The following SLC4A4 variants were observed in gnomAD, a reference collection of about 807,000 sequenced individuals.
SLC4A4 encodes the protein solute carrier family 4 member 4.
A neutral mutation model predicts 111.5 loss-of-function variants in SLC4A4; 27 were observed. The observed-to-expected ratio is 0.24, with a 90% CI of 0.18 to 0.33. SLC4A4 has a LOEUF of 0.33. Among genes scored for constraint, SLC4A4 ranks in the 10% least tolerant of loss-of-function variants. The pLI is 1.00. For missense variants in SLC4A4, 909 were observed against 1,315.5 expected, an observed-to-expected ratio of 0.69 and a Z score of 4.78; for synonymous variants, 443 against 463.4, an observed-to-expected ratio of 0.96 and a Z score of 0.57.
intron 3 of SLC4A4, among the ~76,000 whole-genome samples, chr4:71,333,960 G>A (rs373536706): frequency 1.3e-5 from 2 of 151,902 alleles, no homozygotes; most frequent in African/African-American, 4.8e-5. Flanking sequence ...GTCTAAGAGC[G>A]AAGGCCTGGA....
chr4:71,266,452 T>A (rs988623979), intron 3 of SLC4A4, among the ~76,000 whole-genome samples: 2 of 152,192 alleles, frequency 1.3e-5, no homozygotes, highest in African/African-American at 4.8e-5. Context: ...TTGTGCAGCT[T>A]TTTGAGTATG....
At chr4:71,509,290 A>G (rs1027371749) in intron 16 of SLC4A4, among the ~76,000 whole-genome samples, 1 of 152,222 alleles carries the variant, frequency 6.6e-6, no homozygotes, top group Admixed American at 6.5e-5. Flanking sequence ...GGCTATTCAA[A>G]TTGGAAGAGA....
intron 16 of SLC4A4, among the ~76,000 whole-genome samples, chr4:71,513,505 A>G (rs949838669): frequency 3.3e-5 from 5 of 152,108 alleles, no homozygotes; most frequent in African/African-American, 1.2e-4. Flanking sequence ...TAATTTTTTT[A>G]ATCAAATCTA....
At chr4:71,208,018 A>G (rs1021870169) in intron 1 of SLC4A4, among the ~76,000 whole-genome samples, 3 of 152,192 alleles carry the variant, frequency 2.0e-5, no homozygotes, top group Admixed American at 2.0e-4. Flanking sequence ...CTTGTTGCCC[A>G]GGCTGGTCTC....
intron 2 of SLC4A4, among the ~76,000 whole-genome samples, chr4:71,115,732 G>A (rs1743226610): frequency 6.6e-6 from 1 of 152,126 alleles, no homozygotes; most frequent in Non-Finnish European, 1.5e-5. Flanking sequence ...AGAATAGAGT[G>A]CTGTCATGTA....
intron 6 of SLC4A4, among the ~76,000 whole-genome samples, chr4:71,361,765 T>A (rs937270956): frequency 6.6e-5 from 10 of 152,222 alleles, no homozygotes; most frequent in Non-Finnish European, 1.2e-4. Context: ...TATGAAAAAG[T>A]AATGTTTAAG....
At chr4:71,497,473 G>A in intron 15 of SLC4A4, 28 bp from the exon 16 acceptor site, 1 of 1,594,092 alleles carries the variant, frequency 6.3e-7, no homozygotes, top group South Asian at 1.1e-5. Flanking sequence ...ATGTTCTCTA[G>A]AAAAATTTTA....
intron 2 of SLC4A4, among the ~76,000 whole-genome samples, chr4:71,109,473 G>A (rs1012749740): frequency 1.3e-5 from 2 of 152,126 alleles, no homozygotes; most frequent in Non-Finnish European, 2.9e-5. Context: ...GTGATCAGAG[G>A]CAGCAATCAA....
chr4:71,090,229 G>T (rs926592480), intron 1 of SLC4A4, among the ~76,000 whole-genome samples: 2 of 151,860 alleles, frequency 1.3e-5, no homozygotes, highest in African/African-American at 2.4e-5. Flanking sequence ...TGTGCCATTT[G>T]CTAAGACCAT....
chr4:71,384,601 A>C (rs937496198), intron 6 of SLC4A4, among the ~76,000 whole-genome samples: 1 of 146,718 alleles, frequency 6.8e-6, no homozygotes, highest in East Asian at 2.0e-4. Flanking sequence ...ACGCCATTGC[A>C]CTCAAGCCTG....
chr4:71,147,305 G>A (rs538730442), intron 2 of SLC4A4, among the ~76,000 whole-genome samples: 1 of 151,710 alleles, frequency 6.6e-6, no homozygotes, highest in African/African-American at 2.4e-5. Context: ...TCTCCTTTAT[G>A]TTTGCCTTTT....
chr4:71,230,445 T>A (rs1251036713), intron 1 of SLC4A4, among the ~76,000 whole-genome samples: 1 of 152,160 alleles, frequency 6.6e-6, no homozygotes, highest in African/African-American at 2.4e-5. Context: ...GGCATGTGTG[T>A]AAAGAACTGT....
At chr4:71,448,550 T>A (rs1039875738) in intron 9 of SLC4A4, among the ~76,000 whole-genome samples, 28 of 152,300 alleles carry the variant, frequency 1.8e-4, no homozygotes, top group African/African-American at 6.7e-4. Context: ...GATACACATC[T>A]AAAAATGCAT....
intron 16 of SLC4A4, among the ~76,000 whole-genome samples, chr4:71,523,350 A>C (rs993090393): frequency 2.6e-5 from 4 of 152,200 alleles, no homozygotes; most frequent in Non-Finnish European, 5.9e-5. Context: ...AATTGTTTTT[A>C]TACTTATTTT....
intron 8 of SLC4A4, among the ~76,000 whole-genome samples, chr4:71,443,110 CTCTCTCTATATA>C (rs1266273996): frequency 5.9e-5 from 6 of 101,042 alleles, no homozygotes; most frequent in African/African-American, 9.2e-5. Flanking sequence ...CTCTCTCTCT[CTCTCTCTATATA>C]TATATATATA....
In SLC4A4 at chr4:71,453,565, T is replaced by C. The variant is rs367650976; in HGVS notation, c.1393T>C (p.Leu465=). The change falls in exon 12 of 26, where the codon TTA becomes CTA. Residue 465 remains leucine, a synonymous_variant. Transcript: ENST00000264485. Reference sequence around the variant, plus strand: ...TTTTGCCAGTGATTTTTATGATGCTTTAAATATTCAAGCTCTTTCGGCAAT... The same window carrying C: ...TTTTGCCAGTGATTTTTATGATGCTCTAAATATTCAAGCTCTTTCGGCAAT... ...PFFASDFYDA[L]NIQALSAILF... 13 of 1,613,954 alleles carry C rather than the reference T, an allele frequency of 8.1e-6. No homozygotes were observed. Among genetic ancestry groups the C allele is most frequent in the African/African-American group, 1.3e-5 (1 of 75,020 alleles).
chr4:71,268,304 G>A (rs1722452219), intron 3 of SLC4A4, among the ~76,000 whole-genome samples: 1 of 152,052 alleles, frequency 6.6e-6, no homozygotes, highest in South Asian at 2.1e-4. Context: ...AGTAACATTG[G>A]CTGTAAATCA....
chr4:71,566,961 C>T, intron 24 of SLC4A4, 43 bp from the exon 25 acceptor site: 4 of 1,525,782 alleles, frequency 2.6e-6, no homozygotes, highest in Non-Finnish European at 3.6e-6. Flanking sequence ...TATACTTCAC[C>T]AAAGATCTAC....
At chr4:71,533,900 G>A (rs541096775) in intron 17 of SLC4A4, among the ~76,000 whole-genome samples, 10 of 151,562 alleles carry the variant, frequency 6.6e-5, no homozygotes, top group African/African-American at 2.2e-4. Flanking sequence ...TTTACATTTG[G>A]AGTTTTCTTC....
Sources: allele counts gnomAD v4.1 joint callset (sites outside exome capture counted in the v4.1 genomes callset), GRCh38; gene constraint gnomAD v4.1.1; transcripts MANE v1.5; gene names NCBI Gene and HGNC (gene_info 2026-07-23, HGNC 2026-07-21).